Variants in RPAP2 observed in about 807,000 individuals in gnomAD.
The protein encoded by RPAP2 is RNA polymerase II associated protein 2.
A neutral mutation model predicts 73.1 loss-of-function variants in RPAP2; 52 were observed. The observed-to-expected ratio is 0.71, with a 90% CI of 0.57 to 0.90. The LOEUF is 0.90. Among genes scored for constraint, RPAP2 ranks in the 40% least tolerant of loss-of-function variants. The pLI is 0.00. For missense variants in RPAP2, 598 were observed against 701.8 expected (o/e 0.85, Z 1.67); for synonymous variants, 225 against 242.1 (o/e 0.93, Z 0.65).
rs890860912 is a variant in RPAP2, at chr1:92,391,351, T to G, written c.*4340T>G. The G allele has an allele frequency of 1.3e-5, 2 of 151,636 alleles. No homozygotes were observed. Among genetic ancestry groups the G allele is most frequent in the South Asian group, 2.1e-4 (1 of 4,750 alleles). The allele number at this position is 151,636 out of a possible 1,614,324, so 9.4% of individuals were successfully genotyped here. A position where few individuals can be genotyped will look rare whatever the true frequency, so the allele number is the denominator to read the frequency against. Reference sequence around the variant, plus strand: ...GGAACCAACGAGAACAAAGACACAATGTACCAGAATCTCTAGGACATGTTT... The same window carrying G: ...GGAACCAACGAGAACAAAGACACAAGGTACCAGAATCTCTAGGACATGTTT... On this transcript the variant is annotated 3_prime_UTR_variant, in exon 13 of 13. Coordinates refer to ENST00000610020, the MANE Select transcript of RPAP2 (RefSeq NM_024813.3).
Position 92,397,000 on chromosome 1 carries a change from G to A in RPAP2, c.*9989G>A, listed in dbSNP as rs988002021. 9 of 152,132 alleles carry A rather than the reference G, an allele frequency of 5.9e-5. No homozygotes were observed. The highest frequency in any genetic ancestry group is 2.2e-4 in the African/African-American group (9 of 41,422). The allele number at this position is 152,132 out of a possible 1,614,324, so 9.4% of individuals were successfully genotyped here. ...GATTTATGCACTTAAAACAGGTAAAGTTTATGTGTATAAATTATACCTTAA... is the reference window on the plus strand; with the variant it reads ...GATTTATGCACTTAAAACAGGTAAAATTTATGTGTATAAATTATACCTTAA... On this transcript the variant is annotated 3_prime_UTR_variant, in exon 13 of 13. Transcript: ENST00000610020.
chr1:92,301,910 T>G (rs1004979940), intron 3 of RPAP2, among the ~76,000 whole-genome samples: 1 of 152,172 alleles, frequency 6.6e-6, no homozygotes, highest in African/African-American at 2.4e-5. Context: ...ATATGTTAAT[T>G]AGCCTGATTT....
intron 10 of RPAP2, among the ~76,000 whole-genome samples, chr1:92,339,309 ACCCCACCCCCGC>A (rs987088730): frequency 7.4e-6 from 1 of 134,368 alleles, no homozygotes; most frequent in Non-Finnish European, 1.6e-5. Context: ...CCTGGGTCCT[ACCCCACCCCCGC>A]CCCCACAACC....
rs1034102310 is a variant in RPAP2, at chr1:92,393,081, T to C, written c.*6070T>C. The C allele has an allele frequency of 3.3e-5, 5 of 152,190 alleles. No homozygotes were observed. The highest frequency in any genetic ancestry group is 1.2e-4 in the African/African-American group (5 of 41,448). 9.4% of individuals were successfully genotyped at this position (152,190 alleles called of 1,614,324 possible). On this transcript the variant is annotated 3_prime_UTR_variant, in exon 13 of 13. Coordinates refer to ENST00000610020, the MANE Select transcript of RPAP2 (RefSeq NM_024813.3). The stretch of plus-strand genomic sequence containing the variant: ...CATCACACTACCTGACTTCAAACTT[T>C]ACTACAAGCCTACAGTAACCAAAAC...
intron 6 of RPAP2, among the ~76,000 whole-genome samples, chr1:92,312,733 A>G (rs1249097713): frequency 1.3e-5 from 2 of 152,142 alleles, no homozygotes; most frequent in East Asian, 3.9e-4. Flanking sequence ...AAAGTCATCC[A>G]TTAGGGTTAC....
Position 92,300,348 on chromosome 1 carries a change from A to G in RPAP2, c.119+109A>G, listed in dbSNP as rs143294814. On this transcript the variant is annotated intron_variant, in intron 2 of 12. Transcript: ENST00000610020. ...CTTTTTTTTTTTAGAGAAAATTATC[A>G]TGAGAGGGAAGGGAAAGATCTGGGA... is the stretch of plus-strand genomic sequence containing the variant. 3.0e-5 allele frequency: 25 copies of G among 821,116 alleles called. 1 individual carries two copies. The African/African-American group carries it at 3.8e-4, about 12-fold the overall frequency. 50.9% of individuals were successfully genotyped at this position (821,116 alleles called of 1,614,324 possible). A position where few individuals can be genotyped will look rare whatever the true frequency, so the allele number is the denominator to read the frequency against.
At chr1:92,377,337 G>C (rs1655421307) in intron 11 of RPAP2, among the ~76,000 whole-genome samples, 1 of 151,966 alleles carries the variant, frequency 6.6e-6, no homozygotes, top group Non-Finnish European at 1.5e-5. Flanking sequence ...TGGCCAACAT[G>C]ATGAAACCAC....
In RPAP2 at chr1:92,387,363, A is replaced by T. The variant is rs148282471; in HGVS notation, c.*352A>T. On this transcript the variant is annotated 3_prime_UTR_variant, in exon 13 of 13. Transcript: ENST00000610020. ...TTTTTCTGGATGATTTCCAGCCATC[A>T]TATCAGTTTGCCAAAAAAATTGAGA... 6.1e-6 allele frequency: 1 copy of T among 164,584 alleles called. No homozygotes were observed. Among genetic ancestry groups the T allele is most frequent in the East Asian group, 1.7e-4 (1 of 6,050 alleles). 10.2% of individuals were successfully genotyped at this position (164,584 alleles called of 1,614,324 possible).
chr1:92,300,821 C>T (rs771638892), intron 2 of RPAP2, among the ~76,000 whole-genome samples: 13 of 152,134 alleles, frequency 8.5e-5, no homozygotes, highest in Non-Finnish European at 1.8e-4. Flanking sequence ...TAAGATATGT[C>T]GGACCTGTGT....
At chr1:92,361,056 TAATTTACCA>T in intron 11 of RPAP2, among the ~76,000 whole-genome samples, 1 of 151,144 alleles carries the variant, frequency 6.6e-6, no homozygotes, top group South Asian at 2.1e-4. Context: ...CATAAACATG[TAATTTACCA>T]AAAGCAAAAA....
intron 11 of RPAP2, among the ~76,000 whole-genome samples, chr1:92,348,710 T>A (rs759427938): frequency 5.3e-5 from 8 of 152,218 alleles, no homozygotes; most frequent in Non-Finnish European, 1.2e-4. Context: ...GTCACCTTTT[T>A]ATAGCAAATA....
rs61588444 is a variant in RPAP2 at position 92,341,693 on chromosome 1, G to A, written c.1620-4153G>A. On this transcript the variant is annotated intron_variant, in intron 10 of 12. Transcript: ENST00000610020. ...TGTATCTTGCTCTGTCGTCCAGGCT[G>A]GAGTGCAGTGGCATAATCTTGGCTC... 0.019 allele frequency among the ~76,000 whole-genome samples: 2,967 copies of A among 152,314 alleles called. 299 individuals carry two copies. The East Asian group carries it at 0.31, about 16-fold the overall frequency.
Position 92,380,880 on chromosome 1 carries a change from T to C in RPAP2, c.1838+7T>C. The C allele has an allele frequency of 3.9e-6, 6 of 1,551,160 alleles. No individual in the cohort carries two copies. The highest frequency in any genetic ancestry group is 4.3e-6 in the Non-Finnish European group (5 of 1,157,844). On this transcript the variant is annotated splice_region_variant and intron_variant, in intron 12 of 12. Coordinates refer to ENST00000610020, the MANE Select transcript of RPAP2 (RefSeq NM_024813.3). ...CCAGCTGTTTACCAGAGTGGTAAGT[T>C]GGATTGTGTTTTATTTTGGTTTTTA...
At chr1:92,362,073 T>C (rs752358436) in intron 11 of RPAP2, among the ~76,000 whole-genome samples, 2 of 152,180 alleles carry the variant, frequency 1.3e-5, no homozygotes, top group Non-Finnish European at 2.9e-5. Context: ...GGCAAACTCT[T>C]CCTTTAACTA....
intron 11 of RPAP2, among the ~76,000 whole-genome samples, chr1:92,367,542 T>G (rs1389145617): frequency 6.6e-6 from 1 of 152,192 alleles, no homozygotes; most frequent in African/African-American, 2.4e-5. Context: ...TTTAAAAAAA[T>G]TTTCTTTTCA....
chr1:92,371,332 A>G (rs1414395128), intron 11 of RPAP2, among the ~76,000 whole-genome samples: 2 of 131,482 alleles, frequency 1.5e-5, no homozygotes, highest in African/African-American at 2.9e-5. Context: ...ATATATATAT[A>G]TATATACCTA....
chr1:92,327,421 T>G (rs759924944), intron 8 of RPAP2, among the ~76,000 whole-genome samples: 15 of 152,266 alleles, frequency 9.9e-5, no homozygotes, highest in Non-Finnish European at 1.6e-4. Flanking sequence ...TGTCCCTCTT[T>G]GTCTTTTTAA....
At chr1:92,367,555 C>G (rs374302091) in intron 11 of RPAP2, among the ~76,000 whole-genome samples, 1 of 152,120 alleles carries the variant, frequency 6.6e-6, no homozygotes, top group East Asian at 1.9e-4. Context: ...TCTTTTCAGC[C>G]CAATGTTATC....
chr1:92,300,109 T>C lies in RPAP2; in HGVS notation c.74-85T>C. ...AAAGGTACAGTAAAAATACAGTATT[T>C]TAATCTTATGAGACCGCTGTCTGTA... On this transcript the variant is annotated intron_variant, in intron 1 of 12. Transcript: ENST00000610020. 3 of 887,080 alleles carry C rather than the reference T, an allele frequency of 3.4e-6. No individual in the cohort carries two copies. In the Admixed American group the frequency reaches 6.5e-5, roughly 19 times the overall value. The allele number at this position is 887,080 out of a possible 1,614,324, so 55.0% of individuals were successfully genotyped here. A position where few individuals can be genotyped will look rare whatever the true frequency, so the allele number is the denominator to read the frequency against.
Sources: allele counts gnomAD v4.1 joint callset (sites outside exome capture counted in the v4.1 genomes callset), GRCh38; gene constraint gnomAD v4.1.1; transcripts MANE v1.5; gene names NCBI Gene and HGNC (gene_info 2026-07-23, HGNC 2026-07-21).